The following FOXP2 variants were observed in gnomAD, a reference collection of about 807,000 sequenced individuals.
FOXP2 encodes the protein forkhead box protein P2.
FOXP2 carries 12 observed loss-of-function variants against 115.8 expected under a neutral mutation model. That is an observed-to-expected ratio of 0.10 (90% CI 0.07 to 0.17). FOXP2 has a LOEUF of 0.17. Ranked by LOEUF, FOXP2 falls within the 10% of genes least tolerant of loss-of-function variation. FOXP2 has a pLI of 1.00. For synonymous variants in FOXP2, 328 were observed against 297.7 expected (o/e 1.10, Z -1.05); for missense variants, 629 against 843.5 (o/e 0.75, Z 3.15).
intron 2 of FOXP2, among the ~76,000 whole-genome samples, chr7:114,457,814 C>CA (rs1562938215): frequency 6.6e-6 from 1 of 150,834 alleles, no homozygotes; most frequent in African/African-American, 2.4e-5. Flanking sequence ...AGGAGACTGG[C>CA]GTGAACCCAG....
At chr7:114,238,355 T>C (rs372556406) in intron 1 of FOXP2, among the ~76,000 whole-genome samples, 4 of 152,328 alleles carry the variant, frequency 2.6e-5, no homozygotes, top group Middle Eastern at 3.4e-3. Flanking sequence ...TGAATTGTTA[T>C]TTCACTGCAT....
At chr7:114,156,276 C>T (rs1236514926) in intron 1 of FOXP2, among the ~76,000 whole-genome samples, 1 of 151,958 alleles carries the variant, frequency 6.6e-6, no homozygotes, top group African/African-American at 2.4e-5. Context: ...GGTTGCCTGA[C>T]ATTTTTGGTG....
At chr7:114,513,982 A>T (rs1159002555) in intron 2 of FOXP2, among the ~76,000 whole-genome samples, 2 of 151,890 alleles carry the variant, frequency 1.3e-5, no homozygotes, top group Non-Finnish European at 1.5e-5. Context: ...CCCCAGTACA[A>T]ATTTTATCAC....
chr7:114,377,674 G>A (rs1468856479), intron 2 of FOXP2, among the ~76,000 whole-genome samples: 3 of 152,190 alleles, frequency 2.0e-5, no homozygotes, highest in African/African-American at 7.2e-5. Context: ...ACAGTCATAG[G>A]ATCTTAGGTA....
intron 1 of FOXP2, among the ~76,000 whole-genome samples, chr7:114,108,462 A>G (rs1791180185): frequency 2.0e-5 from 3 of 151,856 alleles, no homozygotes; most frequent in Non-Finnish European, 4.4e-5. Flanking sequence ...TGATTTCTTC[A>G]AAGTTTTAAA....
chr7:114,111,530 T>A (rs1791267206), intron 1 of FOXP2, among the ~76,000 whole-genome samples: 1 of 152,140 alleles, frequency 6.6e-6, no homozygotes, highest in African/African-American at 2.4e-5. Flanking sequence ...TAGCAATAGA[T>A]AAAACATAAG....
intron 1 of FOXP2, among the ~76,000 whole-genome samples, chr7:114,154,660 C>T (rs1459681735): frequency 2.0e-5 from 3 of 151,976 alleles, no homozygotes; most frequent in Non-Finnish European, 2.9e-5. Context: ...GTATGTTCTA[C>T]TTTTGATTAA....
intron 2 of FOXP2, among the ~76,000 whole-genome samples, chr7:114,463,500 G>A (rs999056880): frequency 1.6e-4 from 25 of 152,092 alleles, no homozygotes; most frequent in African/African-American, 5.8e-4. Flanking sequence ...GTGGCTAATG[G>A]CAAACATGTT....
chr7:114,357,992 A>T (rs1791655524), intron 2 of FOXP2, among the ~76,000 whole-genome samples: 1 of 152,042 alleles, frequency 6.6e-6, no homozygotes, highest in South Asian at 2.1e-4. Flanking sequence ...AAGAGATGTG[A>T]TCCTCCTTTG....
chr7:114,198,578 G>A (rs946314443), intron 1 of FOXP2, among the ~76,000 whole-genome samples: 6 of 152,312 alleles, frequency 3.9e-5, no homozygotes, highest in African/African-American at 1.4e-4. Flanking sequence ...GGAATCGAAT[G>A]CTGCTGCTGA....
intron 2 of FOXP2, among the ~76,000 whole-genome samples, chr7:114,328,045 C>T (rs1414752791): frequency 6.6e-6 from 1 of 151,506 alleles, no homozygotes; most frequent in African/African-American, 2.4e-5. Flanking sequence ...CTCAGCCTCC[C>T]TAGTAGCTGA....
intron 16 of FOXP2, among the ~76,000 whole-genome samples, chr7:114,682,343 T>C (rs1319926667): frequency 3.3e-5 from 5 of 152,166 alleles, no homozygotes; most frequent in African/African-American, 1.2e-4. Flanking sequence ...ATCAAAATAC[T>C]AAATACATAA....
chr7:114,630,184 T>C (rs973700013), intron 5 of FOXP2, among the ~76,000 whole-genome samples, 179 bp downstream of exon 5: 1 of 152,180 alleles, frequency 6.6e-6, no homozygotes, highest in Admixed American at 6.5e-5. Flanking sequence ...TTTTGTAGCA[T>C]GGGACTTGAG....
chr7:114,240,230 G>C (rs942973333), intron 1 of FOXP2, among the ~76,000 whole-genome samples: 1 of 152,120 alleles, frequency 6.6e-6, no homozygotes, highest in African/African-American at 2.4e-5. Flanking sequence ...TGGTTGGGGG[G>C]AGGAAAACCT....
chr7:114,453,133 A>T (rs992168776), intron 2 of FOXP2, among the ~76,000 whole-genome samples: 13 of 152,152 alleles, frequency 8.5e-5, no homozygotes, highest in Admixed American at 5.2e-4. Flanking sequence ...AGGGATGTGA[A>T]CTGTGACTAA....
At chr7:114,523,669 C>A (rs1798729617) in intron 2 of FOXP2, among the ~76,000 whole-genome samples, 1 of 152,090 alleles carries the variant, frequency 6.6e-6, no homozygotes. Context: ...CTCTGCTTTT[C>A]TTCCTCTGCT....
chr7:114,482,954 T>C (rs1584791358), intron 2 of FOXP2, among the ~76,000 whole-genome samples: 1 of 151,620 alleles, frequency 6.6e-6, no homozygotes, highest in Non-Finnish European at 1.5e-5. Flanking sequence ...CCTTTCACCC[T>C]ATGATTTTAT....
chr7:114,520,030 G>A, intron 2 of FOXP2, among the ~76,000 whole-genome samples: 1 of 152,226 alleles, frequency 6.6e-6, no homozygotes, highest in East Asian at 1.9e-4. Flanking sequence ...CCTTTGGGCA[G>A]TAGCTTTATG....
chr7:114,142,982 A>G (rs936597566), intron 1 of FOXP2, among the ~76,000 whole-genome samples: 1 of 151,710 alleles, frequency 6.6e-6, no homozygotes, highest in Non-Finnish European at 1.5e-5. Flanking sequence ...ACCTGTCTCT[A>G]CAGAAGATAT....
Sources: gnomAD v4.1 joint callset for allele counts (sites outside exome capture counted in the v4.1 genomes callset) on GRCh38, gnomAD v4.1.1 for gene constraint, MANE v1.5 for transcripts, NCBI Gene and HGNC (gene_info 2026-07-23, HGNC 2026-07-21) for gene names.